The following CAMTA1 variants were observed in gnomAD, a reference collection of about 807,000 sequenced individuals.
CAMTA1 encodes calmodulin-binding transcription activator 1.
In CAMTA1, 27 loss-of-function variants were observed where a neutral mutation model predicts 170.9. That is an observed-to-expected ratio of 0.16 (90% CI 0.12 to 0.22). CAMTA1 has a LOEUF of 0.22. Among genes scored for constraint, CAMTA1 ranks in the 10% least tolerant of loss-of-function variants. CAMTA1 has a pLI of 1.00. For missense variants in CAMTA1, 1,619 were observed against 2,217.2 expected, an observed-to-expected ratio of 0.73 and a Z score of 5.42; for synonymous variants, 833 against 891.5, an observed-to-expected ratio of 0.93 and a Z score of 1.17.
chr1:6,964,652 G>A (rs992874333), intron 3 of CAMTA1, among the ~76,000 whole-genome samples: 1 of 152,218 alleles, frequency 6.6e-6, no homozygotes, highest in African/African-American at 2.4e-5. Context: ...AAGTAGAAAC[G>A]TGACTGATAC....
intron 4 of CAMTA1, among the ~76,000 whole-genome samples, chr1:7,115,755 A>C (rs962794891): frequency 6.6e-6 from 1 of 152,146 alleles, no homozygotes; most frequent in Non-Finnish European, 1.5e-5. Flanking sequence ...AGACCCAGAA[A>C]GAGTCAAGTT....
At chr1:7,160,623 G>A (rs766104892) in intron 4 of CAMTA1, among the ~76,000 whole-genome samples, 3 of 152,184 alleles carry the variant, frequency 2.0e-5, no homozygotes, top group South Asian at 2.1e-4. Flanking sequence ...TCAAGATTCA[G>A]TCCAAGGCCT....
At chr1:6,802,188 G>A (rs1056196725) in intron 1 of CAMTA1, among the ~76,000 whole-genome samples, 10 of 152,210 alleles carry the variant, frequency 6.6e-5, no homozygotes, top group African/African-American at 2.4e-4. Flanking sequence ...TGTCTTCTCT[G>A]GAGCTGGGCT....
At position 7,748,288 on chromosome 1, in the gene CAMTA1, C is replaced by T. The variant is rs2096871882; in HGVS notation, c.4689+507C>T. On this transcript the variant is annotated intron_variant, in intron 19 of 22. Transcript: ENST00000303635. The surrounding 1 kb of genome is among the most constrained non-coding windows in gnomAD (Gnocchi z 4.7). ...AAACAAACAAAAACAGGGGAAGCCA[C>T]ACATGATGGCGTGTGCCTGTAATCC... Among the ~76,000 whole-genome samples, 1 of 152,036 alleles carries T rather than the reference C, an allele frequency of 6.6e-6. No homozygotes were observed. The highest frequency in any genetic ancestry group is 2.4e-5 in the African/African-American group (1 of 41,402).
chr1:7,514,455 A>T (rs2094250991), intron 6 of CAMTA1, among the ~76,000 whole-genome samples: 1 of 152,260 alleles, frequency 6.6e-6, no homozygotes, highest in Admixed American at 6.5e-5. Context: ...ATGATGTGGC[A>T]TGGCATCACG....
At chr1:7,348,825 T>C (rs930356221) in intron 5 of CAMTA1, among the ~76,000 whole-genome samples, 16 of 152,212 alleles carry the variant, frequency 1.1e-4, no homozygotes, top group African/African-American at 3.6e-4. Context: ...TTCACTGTAT[T>C]ACGACCCTCA....
chr1:7,741,485 C>G (rs2096814919), intron 16 of CAMTA1, among the ~76,000 whole-genome samples: 1 of 151,768 alleles, frequency 6.6e-6, no homozygotes, highest in Non-Finnish European at 1.5e-5. Flanking sequence ...TGGCGTGAAC[C>G]CAGGAGGCAG....
chr1:6,984,731 T>C (rs1557927843), intron 3 of CAMTA1, among the ~76,000 whole-genome samples: 1 of 152,236 alleles, frequency 6.6e-6, no homozygotes, highest in Non-Finnish European at 1.5e-5. Flanking sequence ...TTTCCCTCTC[T>C]GTACATCTGC....
At chr1:7,265,380 C>G (rs1668765121) in intron 5 of CAMTA1, among the ~76,000 whole-genome samples, 1 of 152,142 alleles carries the variant, frequency 6.6e-6, no homozygotes. Flanking sequence ...GTAGCACTAT[C>G]TCAGCTCACT....
At chr1:7,124,475 A>G (rs1021805235) in intron 4 of CAMTA1, among the ~76,000 whole-genome samples, 2 of 152,206 alleles carry the variant, frequency 1.3e-5, no homozygotes, top group Non-Finnish European at 1.5e-5. Flanking sequence ...TTTGCCAGGA[A>G]TGTCATGCGC....
At chr1:7,000,142 G>A (rs1248616417) in intron 3 of CAMTA1, among the ~76,000 whole-genome samples, 2 of 152,234 alleles carry the variant, frequency 1.3e-5, no homozygotes, top group Non-Finnish European at 2.9e-5. Flanking sequence ...GATGGGAGAT[G>A]TGTGTCCAGG....
chr1:7,294,752 AGTCATGCAG>A (rs1673669406), intron 5 of CAMTA1, among the ~76,000 whole-genome samples: 1 of 152,246 alleles, frequency 6.6e-6, no homozygotes, highest in African/African-American at 2.4e-5. Context: ...AGAGGCTGCA[AGTCATGCAG>A]GGGCTTCTGA....
intron 2 of CAMTA1, among the ~76,000 whole-genome samples, chr1:6,823,264 C>G (rs1008251985): frequency 6.6e-6 from 1 of 151,996 alleles, no homozygotes; most frequent in Admixed American, 6.6e-5. Context: ...GAACCTCCCT[C>G]GGGAGGATGA....
At chr1:6,943,176 C>CTCCTCCCCTCCGTCCT (rs1686960527) in intron 3 of CAMTA1, among the ~76,000 whole-genome samples, 2 of 152,010 alleles carry the variant, frequency 1.3e-5, no homozygotes, top group African/African-American at 2.4e-5. Flanking sequence ...CCCTCCTCCC[C>CTCCTCCCCTCCGTCCT]TCCTCCCCTC....
At chr1:7,756,391 T>C (rs528785624) in intron 22 of CAMTA1, among the ~76,000 whole-genome samples, 3 of 152,326 alleles carry the variant, frequency 2.0e-5, no homozygotes, top group African/African-American at 2.4e-5. Context: ...GGGATTCCAA[T>C]AGGCTTTGAA....
chr1:7,091,789 T>C (rs1475959851), intron 4 of CAMTA1, among the ~76,000 whole-genome samples: 2 of 152,232 alleles, frequency 1.3e-5, no homozygotes. Flanking sequence ...AAGTTCTTGA[T>C]TGGTGGTAAA....
chr1:7,279,330 G>A (rs566591754), intron 5 of CAMTA1, among the ~76,000 whole-genome samples: 1 of 152,298 alleles, frequency 6.6e-6, no homozygotes, highest in South Asian at 2.1e-4. Context: ...GTTAAAATAG[G>A]TGGTCCCAGT....
intron 3 of CAMTA1, among the ~76,000 whole-genome samples, chr1:7,069,627 G>A (rs1246432137): frequency 6.6e-6 from 1 of 152,088 alleles, no homozygotes; most frequent in Non-Finnish European, 1.5e-5. Context: ...TGGGTAGTGG[G>A]GTGCCCGTGA....
intron 6 of CAMTA1, among the ~76,000 whole-genome samples, chr1:7,498,320 AAG>A (rs765397745): frequency 4.0e-5 from 6 of 149,022 alleles, no homozygotes; most frequent in African/African-American, 1.2e-4. Flanking sequence ...ATGTGTGTGT[AAG>A]AGTGAGTGTG....
Sources: allele counts gnomAD v4.1 joint callset (sites outside exome capture counted in the v4.1 genomes callset), GRCh38; gene constraint gnomAD v4.1.1; non-coding constraint Gnocchi (gnomAD v3.1); transcripts MANE v1.5; gene names NCBI Gene and HGNC (gene_info 2026-07-23, HGNC 2026-07-21).